Variants in PARD3B observed in about 807,000 individuals in gnomAD.
PARD3B encodes partitioning defective 3 homolog B.
Under a neutral mutation model 130.2 loss-of-function variants are expected in PARD3B, and 103 were observed. That is an observed-to-expected ratio of 0.79 (90% CI 0.67 to 0.93). The LOEUF (loss-of-function observed/expected upper bound fraction) is 0.93. Ranked by LOEUF, PARD3B falls within the 40% of genes least tolerant of loss-of-function variation. The probability of loss-of-function intolerance (pLI) is 0.00; values close to 1 mark genes in which losing one functional copy is unlikely to be tolerated. For synonymous variants in PARD3B, 583 were observed against 553.2 expected, an observed-to-expected ratio of 1.05 and a Z score of -0.76; for missense variants, 1,609 against 1,499.2, an observed-to-expected ratio of 1.07 and a Z score of -1.21.
intron 2 of PARD3B, among the ~76,000 whole-genome samples, chr2:204,959,934 A>G (rs1258649900): frequency 6.6e-6 from 1 of 151,408 alleles, no homozygotes; most frequent in Non-Finnish European, 1.5e-5. Flanking sequence ...GAAGGTAGAT[A>G]TGTTCCTGTG....
intron 15 of PARD3B, among the ~76,000 whole-genome samples, chr2:205,240,083 A>G (rs2125911753): frequency 6.6e-6 from 1 of 152,250 alleles, no homozygotes; most frequent in South Asian, 2.1e-4. Flanking sequence ...ACATACGAAA[A>G]CACTATAGAT....
intron 2 of PARD3B, among the ~76,000 whole-genome samples, chr2:204,927,819 C>CGTAG (rs373830790): frequency 4.6e-5 from 7 of 150,614 alleles, no homozygotes; most frequent in East Asian, 1.9e-4. Context: ...TAGATAGCTA[C>CGTAG]GTAGGTAGGT....
At chr2:205,400,554 T>A (rs1297314778) in intron 18 of PARD3B, among the ~76,000 whole-genome samples, 1 of 151,806 alleles carries the variant, frequency 6.6e-6, no homozygotes, top group Non-Finnish European at 1.5e-5. Context: ...GGCACGAGAA[T>A]CGCTTGAACC....
chr2:204,898,375 A>G (rs931500877), intron 2 of PARD3B, among the ~76,000 whole-genome samples: 21 of 152,084 alleles, frequency 1.4e-4, no homozygotes, highest in Admixed American at 1.2e-3. Context: ...CTGTTGTGCT[A>G]TCAAATACTA....
intron 2 of PARD3B, among the ~76,000 whole-genome samples, chr2:204,732,348 G>A (rs776644707): frequency 1.2e-4 from 18 of 152,094 alleles, no homozygotes; most frequent in Non-Finnish European, 2.1e-4. Flanking sequence ...AGGGCAAACA[G>A]CACACTTTTT....
chr2:204,685,640 T>C (rs1272744705), intron 1 of PARD3B, among the ~76,000 whole-genome samples: 2 of 152,234 alleles, frequency 1.3e-5, no homozygotes, highest in Non-Finnish European at 2.9e-5. Context: ...GAGCTCCTGC[T>C]CTGTGCATCA....
intron 2 of PARD3B, among the ~76,000 whole-genome samples, chr2:204,712,662 C>G (rs1361658810): frequency 6.7e-6 from 1 of 150,148 alleles, no homozygotes; most frequent in African/African-American, 2.4e-5. Flanking sequence ...ATTGTTTTTC[C>G]TTTTTATTAG....
intron 22 of PARD3B, among the ~76,000 whole-genome samples, chr2:205,553,848 T>G (rs1298989971): frequency 1.3e-5 from 2 of 152,176 alleles, no homozygotes; most frequent in Non-Finnish European, 1.5e-5. Flanking sequence ...TTGCCTGATT[T>G]AGAATCTGAC....
In PARD3B at chr2:205,618,543, C is replaced by G. The variant is rs2055504505; in HGVS notation, c.*2730C>G. ...TGTAGCTCAGAACACTAATAGCCCC[C>G]CTGGAAGAGAGTGGCACATTGAGCT... On this transcript the variant is annotated 3_prime_UTR_variant, in exon 23 of 23. Transcript: ENST00000406610. 6.6e-6 allele frequency: 1 copy of G among 152,200 alleles called. No homozygotes were observed. The highest frequency in any genetic ancestry group is 2.1e-4 in the South Asian group (1 of 4,834). The allele number at this position is 152,200 out of a possible 1,614,324, so 9.4% of individuals were successfully genotyped here.
At chr2:204,990,285 T>C (rs887625022) in intron 3 of PARD3B, among the ~76,000 whole-genome samples, 1 of 151,992 alleles carries the variant, frequency 6.6e-6, no homozygotes, top group Non-Finnish European at 1.5e-5. Flanking sequence ...CTGATAATAA[T>C]TGTACGTATT....
intron 21 of PARD3B, among the ~76,000 whole-genome samples, chr2:205,509,034 C>A (rs1183609228): frequency 6.6e-6 from 1 of 150,568 alleles, no homozygotes; most frequent in African/African-American, 2.4e-5. Context: ...AATTTGTTGA[C>A]ATATAAGCTA....
intron 15 of PARD3B, among the ~76,000 whole-genome samples, chr2:205,234,511 T>C (rs2038977336): frequency 6.6e-6 from 1 of 152,172 alleles, no homozygotes; most frequent in Non-Finnish European, 1.5e-5. Flanking sequence ...TAAATGCTTA[T>C]GCACCTAATA....
chr2:204,970,797 T>A (rs1008646832), intron 3 of PARD3B, among the ~76,000 whole-genome samples: 7 of 152,230 alleles, frequency 4.6e-5, no homozygotes, highest in Admixed American at 4.6e-4. Flanking sequence ...TACCTTGATA[T>A]AAAGTAATCT....
intron 15 of PARD3B, among the ~76,000 whole-genome samples, chr2:205,209,529 T>G (rs2037506868): frequency 6.6e-6 from 1 of 151,954 alleles, no homozygotes; most frequent in Admixed American, 6.6e-5. Flanking sequence ...TTTTTTGAAG[T>G]GAGAATTTCA....
intron 21 of PARD3B, among the ~76,000 whole-genome samples, chr2:205,531,650 C>T (rs1261649709): frequency 6.6e-6 from 1 of 152,030 alleles, no homozygotes; most frequent in Non-Finnish European, 1.5e-5. Flanking sequence ...TCAGACAGGG[C>T]ACCGAGACAC....
In PARD3B at chr2:205,113,560, T is replaced by C; in HGVS notation, c.663T>C (p.Phe221=). 6.2e-7 allele frequency: 1 copy of C among 1,612,274 alleles called. No homozygotes were observed. Among genetic ancestry groups the C allele is most frequent in the Non-Finnish European group, 8.5e-7 (1 of 1,178,712 alleles). ...GPLGIHVVPF[F]SSLSGRILGL... Reference sequence around the variant, plus strand: ...TGGGAATACATGTAGTGCCCTTCTTTTCATCTCTGAGTGGAAGGTAAGATG... The same window carrying C: ...TGGGAATACATGTAGTGCCCTTCTTCTCATCTCTGAGTGGAAGGTAAGATG... The change falls in exon 6 of 23, where the codon TTT becomes TTC. Residue 221 remains phenylalanine, a synonymous_variant. Coordinates refer to ENST00000406610, the MANE Select transcript of PARD3B (RefSeq NM_001302769.2).
intron 16 of PARD3B, among the ~76,000 whole-genome samples, chr2:205,254,170 A>T (rs546602570): frequency 4.8e-4 from 72 of 151,370 alleles, no homozygotes; most frequent in African/African-American, 1.6e-3. Context: ...TACTTGCAAG[A>T]CCTTTCATTT....
chr2:204,754,352 A>C (rs1039093510), intron 2 of PARD3B, among the ~76,000 whole-genome samples: 1 of 147,390 alleles, frequency 6.8e-6, no homozygotes, highest in African/African-American at 2.4e-5. Flanking sequence ...AATAAAGCTC[A>C]TAATGTTAAA....
intron 2 of PARD3B, among the ~76,000 whole-genome samples, chr2:204,781,373 A>G (rs1421532896): frequency 6.6e-6 from 1 of 152,110 alleles, no homozygotes. Context: ...GTTTTTCAAA[A>G]TATATTTTAA....
Sources: allele counts gnomAD v4.1 joint callset (sites outside exome capture counted in the v4.1 genomes callset), GRCh38; gene constraint gnomAD v4.1.1; transcripts MANE v1.5; gene names NCBI Gene and HGNC (gene_info 2026-07-23, HGNC 2026-07-21).